Variants in TAF2 observed in about 807,000 individuals in gnomAD.
The protein encoded by TAF2 is TATA-box binding protein associated factor 2, also known as transcription initiation factor TFIID subunit 2.
A neutral mutation model predicts 138.5 loss-of-function variants in TAF2; 61 were observed. The ratio of observed to expected loss-of-function variants is 0.44; its 90% CI spans 0.36 to 0.54. The LOEUF is 0.54. Ranked by LOEUF, TAF2 falls within the 20% of genes least tolerant of loss-of-function variation. The probability of loss-of-function intolerance (pLI) is 0.00; values close to 1 mark genes in which losing one functional copy is unlikely to be tolerated. For synonymous variants in TAF2, 475 were observed against 469.9 expected (o/e 1.01, Z -0.14); for missense variants, 1,090 against 1,427.9 (o/e 0.76, Z 3.81).
intron 5 of TAF2, among the ~76,000 whole-genome samples, 187 bp downstream of exon 5, chr8:119,803,691 G>GA (rs142168455): frequency 0.31 from 41,410 of 132,004 alleles, 7,056 homozygotes; most frequent in African/African-American, 0.49. Flanking sequence ...AAGACTGTCT[G>GA]AAAAAAAAAA....
chr8:119,739,588 C>T (rs1819461112), intron 25 of TAF2, among the ~76,000 whole-genome samples: 1 of 151,752 alleles, frequency 6.6e-6, no homozygotes, highest in African/African-American at 2.4e-5. Flanking sequence ...CTTTTTCTAT[C>T]CCTCCTAGAC....
intron 2 of TAF2, among the ~76,000 whole-genome samples, chr8:119,823,695 T>C (rs1342877890): frequency 1.3e-5 from 2 of 152,126 alleles, no homozygotes; most frequent in African/African-American, 4.8e-5. Flanking sequence ...TGATAAAAAG[T>C]TACCTGAAAA....
At chr8:119,807,179 G>C (rs1824717801) in intron 3 of TAF2, among the ~76,000 whole-genome samples, 1 of 152,156 alleles carries the variant, frequency 6.6e-6, no homozygotes, top group Non-Finnish European at 1.5e-5. Flanking sequence ...CCACCCATTA[G>C]TGCATCATAA....
chr8:119,832,600 T>C lies in TAF2; in HGVS notation c.-36A>G, dbSNP rs1762612685. The C allele has an allele frequency of 1.9e-6, 3 of 1,596,528 alleles. No homozygotes were observed. The highest frequency in any genetic ancestry group is 1.3e-5 in the African/African-American group (1 of 74,746). On this transcript the variant is annotated 5_prime_UTR_variant, in exon 1 of 26. Coordinates refer to ENST00000378164, the MANE Select transcript of TAF2 (RefSeq NM_003184.4). ...CGCGGAGCTTGGCTTCCCGGCTTCCTAGGGGGATACGGGGCATTACTAGTC... is the reference window on the plus strand; with the variant it reads ...CGCGGAGCTTGGCTTCCCGGCTTCCCAGGGGGATACGGGGCATTACTAGTC...
chr8:119,731,829 T>C lies in TAF2; in HGVS notation c.*95A>G. ...GAATTTCTGTAGGAGAGGCGAATCCTTTCCCCCCTCCCTTTTATAATTCTT... is the reference window on the plus strand; with the variant it reads ...GAATTTCTGTAGGAGAGGCGAATCCCTTCCCCCCTCCCTTTTATAATTCTT... On this transcript the variant is annotated 3_prime_UTR_variant, in exon 26 of 26. Transcript: ENST00000378164. 7.9e-7 allele frequency: 1 copy of C among 1,258,320 alleles called. No individual in the cohort carries two copies. Among genetic ancestry groups the C allele is most frequent in the Non-Finnish European group, 1.2e-6 (1 of 859,960 alleles). 77.9% of individuals were successfully genotyped at this position (1,258,320 alleles called of 1,614,324 possible). A position where few individuals can be genotyped will look rare whatever the true frequency, so the allele number is the denominator to read the frequency against.
intron 25 of TAF2, among the ~76,000 whole-genome samples, chr8:119,736,483 A>G (rs960377233): frequency 6.6e-6 from 1 of 152,354 alleles, no homozygotes; most frequent in East Asian, 1.9e-4. Context: ...GATAAGGACA[A>G]TAATTGTGAT....
At chr8:119,811,349 C>G (rs1825039208) in intron 3 of TAF2, among the ~76,000 whole-genome samples, 1 of 151,430 alleles carries the variant, frequency 6.6e-6, no homozygotes, top group African/African-American at 2.5e-5. Flanking sequence ...AACTTTCCCT[C>G]TATTTAAAAA....
chr8:119,786,520 T>C (rs1391551244), intron 14 of TAF2, among the ~76,000 whole-genome samples: 6 of 152,160 alleles, frequency 3.9e-5, no homozygotes, highest in South Asian at 2.1e-4. Context: ...AAAATTCTTA[T>C]AAAAATGTCA....
At chr8:119,818,214 T>C (rs1284310594) in intron 3 of TAF2, among the ~76,000 whole-genome samples, 1 of 152,206 alleles carries the variant, frequency 6.6e-6, no homozygotes, top group Non-Finnish European at 1.5e-5. Context: ...ACACAAACTG[T>C]AGGAGCCTAC....
intron 18 of TAF2, among the ~76,000 whole-genome samples, chr8:119,775,900 T>C (rs943473788): frequency 6.6e-6 from 1 of 152,216 alleles, no homozygotes; most frequent in East Asian, 1.9e-4. Flanking sequence ...AGATGACTTA[T>C]GTTAATTTAG....
At chr8:119,788,132 A>C (rs376481278) in intron 14 of TAF2, among the ~76,000 whole-genome samples, 1 of 152,264 alleles carries the variant, frequency 6.6e-6, no homozygotes, top group African/African-American at 2.4e-5. Context: ...AGAAATACCT[A>C]ATGTAGATGA....
At chr8:119,824,661 CA>C (rs895004798) in intron 2 of TAF2, among the ~76,000 whole-genome samples, 1 of 152,158 alleles carries the variant, frequency 6.6e-6, no homozygotes, top group African/African-American at 2.4e-5. Context: ...ACGCTGTGTG[CA>C]GCCTAGGGAC....
At position 119,746,839 on chromosome 8, in the gene TAF2, G is replaced by A; in HGVS notation, c.2974C>T (p.Leu992Phe). The part of the protein sequence containing the change: ...SRPSCLPLPE[L>F]GLVLNLKEKK... ...TCCTTTAGATTAAGAACCAACCCAA[G>A]CTCTGGCAAGGGTAAACAGGAAGGT... is the stretch of plus-strand genomic sequence containing the variant. The change falls in exon 23 of 26, where the codon CTT becomes TTT. Residue 992 changes from leucine (L) to phenylalanine (F), a missense_variant. By Grantham distance (22) the Leu-to-Phe change is conservative (BLOSUM62 0). Around this residue, in one of 3 missense-constraint regions of TAF2, gnomAD observed 580 missense variants for 719.6 expected, o/e 0.81. Coordinates refer to ENST00000378164, the MANE Select transcript of TAF2 (RefSeq NM_003184.4). The A allele has an allele frequency of 6.2e-7, 1 of 1,614,080 alleles. No homozygotes were observed. The highest frequency in any genetic ancestry group is 8.5e-7 in the Non-Finnish European group (1 of 1,180,018).
rs1824286140 is a variant in TAF2, at chr8:119,801,840, A to T, written c.746T>A (p.Leu249Ter). ...CAGTATTTCAAATGGTCCAATGGCC[A>T]AGGAGATATTTGACGCTGCTGTAGG... The part of the protein sequence containing the change: ...TIPTAASNIS[L>*]AIGPFEILVD... The change falls in exon 6 of 26, where the codon TTG becomes TAG. Residue 249 changes from leucine to a stop codon, truncating the protein, a stop_gained. Coordinates refer to ENST00000378164, the MANE Select transcript of TAF2 (RefSeq NM_003184.4). LOFTEE classifies it high-confidence loss of function. 6.2e-7 allele frequency: 1 copy of T among 1,614,084 alleles called. No homozygotes were observed. Among genetic ancestry groups the T allele is most frequent in the African/African-American group, 1.3e-5 (1 of 74,922 alleles).
At chr8:119,755,967 T>C (rs767998330) in intron 22 of TAF2, 39 bp downstream of exon 22, 2 of 1,414,836 alleles carry the variant, frequency 1.4e-6, no homozygotes, top group South Asian at 1.2e-5. Flanking sequence ...CAAAATACTC[T>C]AGTAATAATA....
At position 119,811,520 on chromosome 8, in the gene TAF2, A is replaced by G. The variant is rs7002990; in HGVS notation, c.300-5119T>C. Among the ~76,000 whole-genome samples the G allele has an allele frequency of 9.0e-3, 1,377 of 152,240 alleles. 20 individuals carry two copies. Among genetic ancestry groups the G allele is most frequent in the African/African-American group, 0.032 (1,313 of 41,538 alleles). On this transcript the variant is annotated intron_variant, in intron 3 of 25. Transcript: ENST00000378164. Reference sequence around the variant, plus strand: ...ACAAGGATGACTCTAAAAATAACCAAAACAGGCCGGGCACGGTGGCTCACG... The same window carrying G: ...ACAAGGATGACTCTAAAAATAACCAGAACAGGCCGGGCACGGTGGCTCACG...
At chr8:119,790,526 A>G (rs1037325516) in intron 11 of TAF2, among the ~76,000 whole-genome samples, 4 of 152,168 alleles carry the variant, frequency 2.6e-5, no homozygotes, top group African/African-American at 4.8e-5. Context: ...AATGCTTTAA[A>G]AAAAGCATTA....
At chr8:119,795,388 A>C (rs770522884) in intron 9 of TAF2, 144 bp downstream of exon 9, 45 of 754,646 alleles carry the variant, frequency 6.0e-5, no homozygotes, top group Non-Finnish European at 9.8e-5. Flanking sequence ...GATAAAATAG[A>C]CCATTAGTCT....
intron 2 of TAF2, among the ~76,000 whole-genome samples, chr8:119,823,873 T>C (rs1825938291): frequency 6.6e-6 from 1 of 152,160 alleles, no homozygotes; most frequent in African/African-American, 2.4e-5. Context: ...TGAGGTGGTC[T>C]CAGATGGAGA....
Sources: gnomAD v4.1 joint callset for allele counts (sites outside exome capture counted in the v4.1 genomes callset) on GRCh38, gnomAD v4.1.1 for gene constraint, gnomAD v4.1.1 regional missense constraint, MANE v1.5 for transcripts, NCBI Gene and HGNC (gene_info 2026-07-23, HGNC 2026-07-21) for gene names.